Variants in TCF12 observed in about 807,000 individuals in gnomAD.
TCF12 encodes DNA-binding protein HTF4.
TCF12 carries 45 observed loss-of-function variants against 86.0 expected under a neutral mutation model. That is an observed-to-expected ratio of 0.52 (90% CI 0.41 to 0.67). The LOEUF (loss-of-function observed/expected upper bound fraction) is 0.67. Among genes scored for constraint, TCF12 ranks in the 30% least tolerant of loss-of-function variants. The pLI, the probability that TCF12 is intolerant of heterozygous loss-of-function variation, is 0.00. For synonymous variants in TCF12, 330 were observed against 299.6 expected (o/e 1.10, Z -1.05); for missense variants, 881 against 859.9 (o/e 1.02, Z -0.31).
chr15:57,229,640 A>C (rs2059040440), intron 8 of TCF12, among the ~76,000 whole-genome samples: 1 of 151,994 alleles, frequency 6.6e-6, no homozygotes, highest in Non-Finnish European at 1.5e-5. Flanking sequence ...AATGAACAGC[A>C]TTTGAGTAGT....
intron 5 of TCF12, among the ~76,000 whole-genome samples, chr15:57,133,882 A>G (rs1320691743): frequency 1.3e-5 from 2 of 152,062 alleles, no homozygotes; most frequent in African/African-American, 4.8e-5. Flanking sequence ...CTGTATTTCT[A>G]ATTTGTGCAA....
intron 8 of TCF12, among the ~76,000 whole-genome samples, chr15:57,198,516 C>A (rs1466194048): frequency 6.6e-6 from 1 of 152,164 alleles, no homozygotes; most frequent in Non-Finnish European, 1.5e-5. Context: ...TAATCTAATA[C>A]TGTAGGGGCG....
At chr15:57,049,233 C>T (rs1804198992) in intron 3 of TCF12, among the ~76,000 whole-genome samples, 1 of 152,204 alleles carries the variant, frequency 6.6e-6, no homozygotes, top group African/African-American at 2.4e-5. Context: ...CATCTTCTCC[C>T]TCTACCCCTT....
chr15:56,922,457 TAAG>T (rs1342672894), intron 3 of TCF12, among the ~76,000 whole-genome samples: 13 of 152,132 alleles, frequency 8.5e-5, no homozygotes, highest in African/African-American at 2.2e-4. Flanking sequence ...TTTTTAAACT[TAAG>T]AAGGATTTAT....
intron 3 of TCF12, among the ~76,000 whole-genome samples, chr15:57,005,159 G>A (rs1283476743): frequency 3.9e-5 from 6 of 152,162 alleles, no homozygotes; most frequent in African/African-American, 1.4e-4. Context: ...ATTTCTGGGT[G>A]TTCTTAGGTA....
chr15:57,012,714 G>A (rs1279825241), intron 3 of TCF12, among the ~76,000 whole-genome samples: 1 of 152,142 alleles, frequency 6.6e-6, no homozygotes, highest in African/African-American at 2.4e-5. Context: ...ATATAGCTTT[G>A]CATTGGTTGT....
intron 11 of TCF12, among the ~76,000 whole-genome samples, chr15:57,233,155 T>G (rs2059233956): frequency 6.6e-6 from 1 of 150,846 alleles, no homozygotes; most frequent in Admixed American, 6.6e-5. Flanking sequence ...TGTGTATATA[T>G]GTGTGTGTAT....
At chr15:56,995,621 G>A (rs1249789634) in intron 3 of TCF12, among the ~76,000 whole-genome samples, 8 of 151,818 alleles carry the variant, frequency 5.3e-5, no homozygotes, top group African/African-American at 1.9e-4. Context: ...AAATGTCACT[G>A]CTGACTTTTG....
At chr15:57,284,586 G>T (rs1196971670) in intron 20 of TCF12, among the ~76,000 whole-genome samples, 1 of 152,248 alleles carries the variant, frequency 6.6e-6, no homozygotes, top group Non-Finnish European at 1.5e-5. Context: ...TAAACTGATA[G>T]ATTATTTCAA....
At chr15:57,035,984 T>G (rs181587204) in intron 3 of TCF12, among the ~76,000 whole-genome samples, 111 of 152,258 alleles carry the variant, frequency 7.3e-4, no homozygotes, top group Non-Finnish European at 1.8e-4. Context: ...TGCTCACTCC[T>G]TATGAAAATC....
At chr15:56,985,079 C>A (rs1027630051) in intron 3 of TCF12, among the ~76,000 whole-genome samples, 8 of 152,146 alleles carry the variant, frequency 5.3e-5, no homozygotes, top group African/African-American at 1.9e-4. Context: ...TTTTATATAT[C>A]AAAATGTTCA....
intron 3 of TCF12, among the ~76,000 whole-genome samples, chr15:57,034,437 T>C (rs2066382404): frequency 6.6e-6 from 1 of 152,176 alleles, no homozygotes; most frequent in South Asian, 2.1e-4. Flanking sequence ...GGGATTGCAG[T>C]GTTGGAGAAA....
chr15:57,217,396 G>T (rs1351618306), intron 8 of TCF12, among the ~76,000 whole-genome samples: 1 of 152,052 alleles, frequency 6.6e-6, no homozygotes, highest in Non-Finnish European at 1.5e-5. Flanking sequence ...TAAAGAACTG[G>T]TGTTAAAATA....
At chr15:56,922,372 A>G (rs1475675641) in intron 3 of TCF12, among the ~76,000 whole-genome samples, 2 of 152,128 alleles carry the variant, frequency 1.3e-5, no homozygotes, top group African/African-American at 4.8e-5. Flanking sequence ...CACTGATACA[A>G]TAACATGAAC....
At chr15:57,104,828 C>G (rs902466187) in intron 5 of TCF12, among the ~76,000 whole-genome samples, 2 of 144,706 alleles carry the variant, frequency 1.4e-5, no homozygotes, top group African/African-American at 5.2e-5. Context: ...TGTCCCTCTC[C>G]TTTTCTCATC....
At chr15:57,085,191 C>A (rs2048543795) in intron 4 of TCF12, among the ~76,000 whole-genome samples, 1 of 152,178 alleles carries the variant, frequency 6.6e-6, no homozygotes. Flanking sequence ...TTAAGCACTT[C>A]ATTACACACA....
chr15:57,112,961 T>C (rs1250627192), intron 5 of TCF12, among the ~76,000 whole-genome samples: 6 of 152,254 alleles, frequency 3.9e-5, no homozygotes, highest in African/African-American at 1.2e-4. Flanking sequence ...TTGAATACTT[T>C]AAGTTTCAAT....
At chr15:57,159,059 T>C (rs2054315552) in intron 5 of TCF12, among the ~76,000 whole-genome samples, 1 of 152,238 alleles carries the variant, frequency 6.6e-6, no homozygotes, top group South Asian at 2.1e-4. Context: ...TTGAGCAGAT[T>C]ACTACCAAAA....
intron 5 of TCF12, among the ~76,000 whole-genome samples, chr15:57,150,862 T>C (rs1385490809): frequency 9.0e-6 from 1 of 110,952 alleles, no homozygotes; most frequent in East Asian, 3.1e-4. Flanking sequence ...TCCCTGTCTC[T>C]CCCCCTCTGT....
Sources: gnomAD v4.1 joint callset for allele counts (sites outside exome capture counted in the v4.1 genomes callset) on GRCh38, gnomAD v4.1.1 for gene constraint, MANE v1.5 for transcripts, NCBI Gene and HGNC (gene_info 2026-07-23, HGNC 2026-07-21) for gene names.